Variants in DGKI observed in about 807,000 individuals in gnomAD.
The protein encoded by DGKI is DAG kinase iota.
Under a neutral mutation model 147.5 loss-of-function variants are expected in DGKI, and 55 were observed. That is an observed-to-expected ratio of 0.37 (90% CI 0.30 to 0.47). The LOEUF (loss-of-function observed/expected upper bound fraction) is 0.47, where lower values mean the gene tolerates loss of function less well. Among genes scored for constraint, DGKI ranks in the 20% least tolerant of loss-of-function variants. The pLI, the probability that DGKI is intolerant of heterozygous loss-of-function variation, is 1.00. For missense variants in DGKI, 1,007 were observed against 1,323.8 expected (o/e 0.76, Z 3.71); for synonymous variants, 469 against 477.1 (o/e 0.98, Z 0.22).
chr7:137,573,386 A>G (rs991013634), intron 17 of DGKI, among the ~76,000 whole-genome samples: 6 of 152,208 alleles, frequency 3.9e-5, no homozygotes, highest in Non-Finnish European at 8.8e-5. Flanking sequence ...TATCTATCAT[A>G]CAGTAGTATT....
At chr7:137,446,249 C>T (rs1363084694) in intron 27 of DGKI, among the ~76,000 whole-genome samples, 1 of 152,192 alleles carries the variant, frequency 6.6e-6, no homozygotes, top group Non-Finnish European at 1.5e-5. Context: ...CCCAAGGGGA[C>T]GCATTCTGCA....
chr7:137,404,552 G>A (rs1421554540), intron 30 of DGKI, among the ~76,000 whole-genome samples: 1 of 152,246 alleles, frequency 6.6e-6, no homozygotes, highest in East Asian at 1.9e-4. Context: ...GAGATGGATT[G>A]TGCTCTCCCA....
intron 18 of DGKI, 21 bp from the exon 19 acceptor site, chr7:137,571,307 C>G: frequency 6.4e-7 from 1 of 1,557,226 alleles, no homozygotes; most frequent in Middle Eastern, 1.7e-4. Flanking sequence ...AGATTAAAGA[C>G]AGAAGTAAAT....
At chr7:137,722,785 C>T in intron 1 of DGKI, 5 of 1,367,212 alleles carry the variant, frequency 3.7e-6, no homozygotes, top group Non-Finnish European at 5.2e-6. Context: ...TATTCCTCAG[C>T]TCCAGGGCTA....
chr7:137,578,233 TA>T (rs1453309599), intron 16 of DGKI, 36 bp downstream of exon 16: 3 of 1,441,540 alleles, frequency 2.1e-6, no homozygotes, highest in Admixed American at 3.4e-5. Flanking sequence ...TGGCAATAAG[TA>T]ATATGTAGTA....
At chr7:137,600,327 G>A (rs1387355663) in intron 10 of DGKI, among the ~76,000 whole-genome samples, 1 of 152,136 alleles carries the variant, frequency 6.6e-6, no homozygotes, top group African/African-American at 2.4e-5. Context: ...TAGAAGAGTA[G>A]TTAAAATCAC....
intron 21 of DGKI, among the ~76,000 whole-genome samples, chr7:137,513,001 A>C (rs1167129314): frequency 6.6e-6 from 1 of 152,146 alleles, no homozygotes; most frequent in African/African-American, 2.4e-5. Context: ...CAATGAATTC[A>C]ATCATCCATT....
chr7:137,447,566 G>A (rs146126756), intron 27 of DGKI, among the ~76,000 whole-genome samples: 361 of 152,278 alleles, frequency 2.4e-3, no homozygotes, highest in African/African-American at 7.5e-3. Context: ...AGCAATAGGC[G>A]TGTGAAAAGG....
At chr7:137,661,269 G>A (rs2116289271) in intron 3 of DGKI, among the ~76,000 whole-genome samples, 1 of 152,196 alleles carries the variant, frequency 6.6e-6, no homozygotes, top group African/African-American at 2.4e-5. Flanking sequence ...CCATCTCAGA[G>A]GAGCTCAGAG....
chr7:137,733,036 C>T (rs2116671203), intron 1 of DGKI, among the ~76,000 whole-genome samples: 1 of 152,096 alleles, frequency 6.6e-6, no homozygotes, highest in Non-Finnish European at 1.5e-5. Context: ...CAGTCCTTAT[C>T]TTAATTACTA....
chr7:137,549,385 C>T (rs903098602), intron 20 of DGKI, among the ~76,000 whole-genome samples: 3 of 152,124 alleles, frequency 2.0e-5, no homozygotes, highest in African/African-American at 4.8e-5. Context: ...ACTGTTGTTA[C>T]GGGAGCCACA....
chr7:137,690,594 C>G (rs1045082701), intron 1 of DGKI, among the ~76,000 whole-genome samples: 3 of 152,162 alleles, frequency 2.0e-5, no homozygotes, highest in Non-Finnish European at 4.4e-5. Context: ...ATTGCACATT[C>G]AATAACTTAC....
At chr7:137,645,786 T>C (rs1821804306) in intron 5 of DGKI, among the ~76,000 whole-genome samples, 1 of 152,230 alleles carries the variant, frequency 6.6e-6, no homozygotes, top group African/African-American at 2.4e-5. Flanking sequence ...GGTAATACTA[T>C]TGATTTATAT....
At chr7:137,697,264 G>A (rs1823822253) in intron 1 of DGKI, among the ~76,000 whole-genome samples, 2 of 152,148 alleles carry the variant, frequency 1.3e-5, no homozygotes, top group African/African-American at 4.8e-5. Context: ...CTCTTTTCCA[G>A]TTGCCCCCAT....
chr7:137,414,626 T>C (rs995136854), intron 28 of DGKI, among the ~76,000 whole-genome samples: 2 of 151,932 alleles, frequency 1.3e-5, no homozygotes, highest in Non-Finnish European at 2.9e-5. Context: ...CTTAATTCTC[T>C]GGAGGTATAG....
At position 137,384,279 on chromosome 7, in the gene DGKI, T is replaced by G. The variant is rs575297256; in HGVS notation, c.*6941A>C. On this transcript the variant is annotated 3_prime_UTR_variant, in exon 33 of 33. Transcript: ENST00000614521. ...CACCCTGGTATGCAAACATTAGACTTTTCTTTGCTTGAACTATGTACAAGC... is the reference window on the plus strand; with the variant it reads ...CACCCTGGTATGCAAACATTAGACTGTTCTTTGCTTGAACTATGTACAAGC... 1.3e-5 allele frequency: 2 copies of G among 152,134 alleles called. No homozygotes were observed. The highest frequency in any genetic ancestry group is 6.6e-5 in the Admixed American group (1 of 15,264). The allele number at this position is 152,134 out of a possible 1,614,324, so 9.4% of individuals were successfully genotyped here.
In DGKI at chr7:137,384,992, T is replaced by A. The variant is rs1412213086; in HGVS notation, c.*6228A>T. 3 of 152,136 alleles carry A rather than the reference T, an allele frequency of 2.0e-5. No individual in the cohort carries two copies. Among genetic ancestry groups the A allele is most frequent in the Non-Finnish European group, 4.4e-5 (3 of 68,006 alleles). The allele number at this position is 152,136 out of a possible 1,614,324, so 9.4% of individuals were successfully genotyped here. A position where few individuals can be genotyped will look rare whatever the true frequency, so the allele number is the denominator to read the frequency against. On this transcript the variant is annotated 3_prime_UTR_variant, in exon 33 of 33. Transcript: ENST00000614521. ...GAGTTTTCCATGATTGCCTTTCATG[T>A]ACATTTACTTGGCTCCCAAATACCT... is the stretch of plus-strand genomic sequence containing the variant.
intron 3 of DGKI, among the ~76,000 whole-genome samples, chr7:137,674,172 G>C (rs1323490638): frequency 6.6e-6 from 1 of 152,122 alleles, no homozygotes; most frequent in Non-Finnish European, 1.5e-5. Flanking sequence ...GCCAATTTGG[G>C]AACAAATTTA....
intron 5 of DGKI, among the ~76,000 whole-genome samples, chr7:137,647,541 A>C (rs1219048359): frequency 6.6e-6 from 1 of 152,182 alleles, no homozygotes; most frequent in Non-Finnish European, 1.5e-5. Flanking sequence ...TACAATCGTA[A>C]ATATCCACCT....
Sources: gnomAD v4.1 joint callset for allele counts (sites outside exome capture counted in the v4.1 genomes callset) on GRCh38, gnomAD v4.1.1 for gene constraint, MANE v1.5 for transcripts, NCBI Gene and HGNC (gene_info 2026-07-23, HGNC 2026-07-21) for gene names.